The following IL1RAPL1 variants were observed in gnomAD, a reference collection of about 807,000 sequenced individuals.
IL1RAPL1 encodes interleukin 1 receptor accessory protein like 1.
Under a neutral mutation model 48.4 loss-of-function variants are expected in IL1RAPL1, and 3 were observed. The ratio of observed to expected loss-of-function variants is 0.06; its 90% confidence interval spans 0.03 to 0.16. The LOEUF (loss-of-function observed/expected upper bound fraction) is 0.16, where lower values mean the gene tolerates loss of function less well. Among genes scored for constraint, IL1RAPL1 ranks in the 10% least tolerant of loss-of-function variants. The pLI is 1.00. For synonymous variants in IL1RAPL1, 185 were observed against 187.7 expected (o/e 0.99, Z 0.12); for missense variants, 349 against 530.6 (o/e 0.66, Z 3.36).
At chrX:29,152,530 T>A (rs1324747432) in intron 2 of IL1RAPL1, among the ~76,000 whole-genome samples, 1 of 112,067 alleles carries the variant, frequency 8.9e-6, no homozygotes, top group Non-Finnish European at 1.9e-5. Flanking sequence ...ATATTATTTT[T>A]AATTACATTA....
At chrX:29,788,102 A>ATT (rs1282279362) in intron 6 of IL1RAPL1, among the ~76,000 whole-genome samples, 1 of 72,344 alleles carries the variant, frequency 1.4e-5, no homozygotes, top group Non-Finnish European at 2.7e-5. Context: ...CATGATTTAA[A>ATT]TTGTGTGTGT....
At chrX:29,353,036 A>G (rs977615061) in intron 3 of IL1RAPL1, among the ~76,000 whole-genome samples, 2 of 111,814 alleles carry the variant, frequency 1.8e-5, no homozygotes, top group African/African-American at 6.5e-5. Flanking sequence ...TCTCCTTTGT[A>G]TAACTTATCC....
At chrX:29,251,746 A>T (rs1378892247) in intron 2 of IL1RAPL1, among the ~76,000 whole-genome samples, 2 of 111,261 alleles carry the variant, frequency 1.8e-5, no homozygotes, top group East Asian at 5.7e-4. Context: ...AGTTGGGGGA[A>T]TATGCTAGAA....
At chrX:28,819,297 T>A (rs1301712836) in intron 2 of IL1RAPL1, among the ~76,000 whole-genome samples, 1 of 111,663 alleles carries the variant, frequency 9.0e-6, no homozygotes, top group African/African-American at 3.2e-5. Context: ...AAATGTTTGT[T>A]ATATATGTGC....
chrX:29,521,105 T>G (rs1007686974), intron 5 of IL1RAPL1, among the ~76,000 whole-genome samples: 1 of 112,657 alleles, frequency 8.9e-6, no homozygotes, highest in Non-Finnish European at 1.9e-5. Flanking sequence ...GACAATACAT[T>G]TAATATGTAA....
chrX:28,647,593 G>A (rs774468665), intron 1 of IL1RAPL1, among the ~76,000 whole-genome samples: 1 of 112,534 alleles, frequency 8.9e-6, no homozygotes, highest in African/African-American at 3.2e-5. Context: ...TTACAGCTTG[G>A]TCTGGGTTAT....
intron 6 of IL1RAPL1, among the ~76,000 whole-genome samples, chrX:29,770,985 C>A (rs985130003): frequency 2.1e-4 from 24 of 111,951 alleles, no homozygotes; most frequent in African/African-American, 7.8e-4. Context: ...ATCCATAGTT[C>A]AAGCAAATTG....
At chrX:29,529,567 A>G (rs1935590638) in intron 5 of IL1RAPL1, among the ~76,000 whole-genome samples, 1 of 101,292 alleles carries the variant, frequency 9.9e-6, no homozygotes, top group Non-Finnish European at 2.0e-5. Flanking sequence ...GTGCCACTGC[A>G]CTCCAGCCTG....
intron 2 of IL1RAPL1, among the ~76,000 whole-genome samples, chrX:28,994,830 A>T (rs994784441): frequency 2.7e-5 from 3 of 112,115 alleles, no homozygotes; most frequent in African/African-American, 9.7e-5. Context: ...TTTAATTAAA[A>T]TATTACTCTT....
chrX:29,775,557 A>G (rs1381367818), intron 6 of IL1RAPL1, among the ~76,000 whole-genome samples: 1 of 111,381 alleles, frequency 9.0e-6, no homozygotes, highest in East Asian at 2.8e-4. Flanking sequence ...TGGAGCTTTC[A>G]GTCTACTGGT....
At chrX:29,278,376 G>T (rs1434342621) in intron 2 of IL1RAPL1, among the ~76,000 whole-genome samples, 1 of 111,710 alleles carries the variant, frequency 9.0e-6, no homozygotes, top group East Asian at 2.8e-4. Flanking sequence ...TTTATGAGAG[G>T]TAACAAAAAT....
intron 6 of IL1RAPL1, among the ~76,000 whole-genome samples, chrX:29,746,854 C>T (rs576531943): frequency 3.6e-5 from 4 of 112,416 alleles, no homozygotes; most frequent in South Asian, 7.3e-4. Context: ...GTGATCCACC[C>T]GTCTTGGCCT....
intron 1 of IL1RAPL1, among the ~76,000 whole-genome samples, chrX:28,658,536 C>CT (rs763460152): frequency 0.011 from 1,158 of 101,973 alleles, 12 homozygotes; most frequent in African/African-American, 0.031. Context: ...TAGTTTTTGT[C>CT]TTTTTTTTTT....
At chrX:29,858,698 G>A (rs1001893385) in intron 6 of IL1RAPL1, among the ~76,000 whole-genome samples, 1 of 111,321 alleles carries the variant, frequency 9.0e-6, no homozygotes, top group Non-Finnish European at 1.9e-5. Context: ...TTACCTGGCT[G>A]GACATCTGGC....
intron 2 of IL1RAPL1, among the ~76,000 whole-genome samples, chrX:29,254,630 C>G (rs1569270814): frequency 9.0e-6 from 1 of 111,487 alleles, no homozygotes. Context: ...TATGATGAAG[C>G]TGGAGAACAA....
chrX:29,323,751 ATATAT>A (rs2147627744), intron 3 of IL1RAPL1, among the ~76,000 whole-genome samples: 2 of 32,481 alleles, frequency 6.2e-5, no homozygotes, highest in African/African-American at 3.7e-4. Context: ...ATATATATAT[ATATAT>A]ATATATATAT....
At chrX:29,603,138 C>T (rs1484426506) in intron 5 of IL1RAPL1, among the ~76,000 whole-genome samples, 2 of 109,403 alleles carry the variant, frequency 1.8e-5, no homozygotes, top group African/African-American at 3.3e-5. Flanking sequence ...TGGTGATGGG[C>T]GCCTGTAATC....
chrX:29,126,969 T>C (rs1928911133), intron 2 of IL1RAPL1, among the ~76,000 whole-genome samples: 1 of 111,672 alleles, frequency 9.0e-6, no homozygotes, highest in Admixed American at 9.6e-5. Flanking sequence ...ATGTAATTAC[T>C]ATCTGCAGGT....
chrX:29,320,502 C>T lies in IL1RAPL1; in HGVS notation c.362+37285C>T, dbSNP rs755441016. ...ATAAGAATGAATATTATGCCGGGCA[C>T]GGTGGCTCATGCCTGTAATCCCAGC... On this transcript the variant is annotated intron_variant, in intron 3 of 10. Coordinates refer to ENST00000378993, the MANE Select transcript of IL1RAPL1 (RefSeq NM_014271.4). 4.5e-4 allele frequency among the ~76,000 whole-genome samples: 50 copies of T among 112,171 alleles called. 1 individual carries two copies. The South Asian group carries it at 0.015, about 33-fold the overall frequency.
Sources: allele counts gnomAD v4.1 joint callset (sites outside exome capture counted in the v4.1 genomes callset), GRCh38; gene constraint gnomAD v4.1.1; transcripts MANE v1.5; gene names NCBI Gene and HGNC (gene_info 2026-07-23, HGNC 2026-07-21).